Variants in NTNG1 observed in about 807,000 individuals in gnomAD.
NTNG1 encodes netrin-G1.
In NTNG1, 16 loss-of-function variants were observed where a neutral mutation model predicts 54.0. The observed-to-expected ratio is 0.30, with a 90% CI of 0.20 to 0.45. The LOEUF (loss-of-function observed/expected upper bound fraction) is 0.45. Ranked by LOEUF, NTNG1 falls within the 20% of genes least tolerant of loss-of-function variation. The pLI, the probability that NTNG1 is intolerant of heterozygous loss-of-function variation, is 1.00. For missense variants in NTNG1, 530 were observed against 678.7 expected (o/e 0.78, Z 2.43); for synonymous variants, 255 against 263.1 (o/e 0.97, Z 0.30).
At chr1:107,400,299 T>C (rs1242139593) in intron 4 of NTNG1, among the ~76,000 whole-genome samples, 1 of 152,172 alleles carries the variant, frequency 6.6e-6, no homozygotes, top group East Asian at 1.9e-4. Flanking sequence ...CAAATATTGA[T>C]AATGTGTGTA....
chr1:107,363,576 A>C (rs1371729926), intron 3 of NTNG1, among the ~76,000 whole-genome samples: 78 of 152,194 alleles, frequency 5.1e-4, no homozygotes. Flanking sequence ...AAAACCTGCT[A>C]ATAATATCAG....
intron 7 of NTNG1, among the ~76,000 whole-genome samples, chr1:107,464,252 C>A (rs1345968807): frequency 6.6e-6 from 1 of 152,164 alleles, no homozygotes; most frequent in Non-Finnish European, 1.5e-5. Context: ...GGCCTTTAGA[C>A]TACAGTATTT....
intron 2 of NTNG1, among the ~76,000 whole-genome samples, chr1:107,178,192 A>C (rs562183224): frequency 2.8e-4 from 42 of 152,320 alleles, no homozygotes; most frequent in African/African-American, 9.1e-4. Context: ...TCAATATTAC[A>C]TCAAGTTTAG....
chr1:107,237,941 G>A (rs1570929702), intron 2 of NTNG1, among the ~76,000 whole-genome samples: 2 of 152,296 alleles, frequency 1.3e-5, no homozygotes, highest in East Asian at 1.9e-4. Context: ...CCCACAGAGA[G>A]TGCCTACTGG....
chr1:107,338,886 A>C lies in NTNG1; in HGVS notation c.887+13964A>C, dbSNP rs555741199. Among the ~76,000 whole-genome samples, 6 of 151,922 alleles carry C rather than the reference A, an allele frequency of 3.9e-5. No individual in the cohort carries two copies. In the East Asian group the frequency reaches 9.7e-4, roughly 25 times the overall value. On this transcript the variant is annotated intron_variant, in intron 3 of 7. Transcript: ENST00000370068. ...GTAAGAAGCTTTAAAAAAAAAAAGG[A>C]AATAGGATTTTGGATGGAAAGTATA...
intron 3 of NTNG1, among the ~76,000 whole-genome samples, chr1:107,327,051 C>T (rs967495849): frequency 6.6e-6 from 1 of 152,178 alleles, no homozygotes; most frequent in African/African-American, 2.4e-5. Flanking sequence ...GCTCCTCCCT[C>T]CTTCTCTGGA....
chr1:107,375,465 T>G (rs1671173928), intron 3 of NTNG1, among the ~76,000 whole-genome samples: 1 of 152,244 alleles, frequency 6.6e-6, no homozygotes, highest in Non-Finnish European at 1.5e-5. Flanking sequence ...AACTTGGTTG[T>G]AAGTAGAAGT....
chr1:107,231,641 A>T (rs1195000087), intron 2 of NTNG1, among the ~76,000 whole-genome samples: 2 of 152,116 alleles, frequency 1.3e-5, no homozygotes, highest in Admixed American at 1.3e-4. Flanking sequence ...CTCTCACAGA[A>T]GGGAAGATAA....
At chr1:107,301,307 G>A (rs1666296000) in intron 2 of NTNG1, among the ~76,000 whole-genome samples, 1 of 151,480 alleles carries the variant, frequency 6.6e-6, no homozygotes, top group Non-Finnish European at 1.5e-5. Flanking sequence ...GGCTAAGAGT[G>A]GTACTATAGG....
chr1:107,192,966 A>G (rs4564165), intron 2 of NTNG1, among the ~76,000 whole-genome samples: 9,750 of 152,214 alleles, frequency 0.064, 414 homozygotes, highest in African/African-American at 0.12. Flanking sequence ...TGTGTATCAT[A>G]AACAAAGTAA....
intron 7 of NTNG1, among the ~76,000 whole-genome samples, chr1:107,439,643 C>A (rs1213089816): frequency 3.9e-5 from 6 of 152,002 alleles, no homozygotes; most frequent in African/African-American, 1.4e-4. Flanking sequence ...TCTCTTAGAC[C>A]CACCCACATA....
intron 2 of NTNG1, among the ~76,000 whole-genome samples, chr1:107,224,372 G>A (rs989133764): frequency 2.0e-5 from 3 of 152,142 alleles, no homozygotes; most frequent in African/African-American, 7.2e-5. Context: ...AGAGATCTAA[G>A]AAACACATTT....
chr1:107,437,389 T>C (rs772089089), intron 7 of NTNG1, among the ~76,000 whole-genome samples: 9 of 152,230 alleles, frequency 5.9e-5, no homozygotes, highest in African/African-American at 1.2e-4. Context: ...TTCAGCCTCA[T>C]TTCTCTTGAG....
chr1:107,161,159 TTAAA>T lies in NTNG1; in HGVS notation c.246+12322_246+12325del, dbSNP rs1206595990. Among the ~76,000 whole-genome samples, 3 of 152,160 alleles carry T rather than the reference TTAAA, an allele frequency of 2.0e-5. No individual in the cohort carries two copies. In the East Asian group the frequency reaches 5.8e-4, roughly 29 times the overall value. ...CATAGTAGAGCCCCATAAACATTTG[TTAAA>T]TGAATGAATGAACCGTTAAACAGAG... On this transcript the variant is annotated intron_variant, in intron 2 of 7. Transcript: ENST00000370068.
chr1:107,196,124 A>G (rs530197486), intron 2 of NTNG1, among the ~76,000 whole-genome samples: 103 of 151,928 alleles, frequency 6.8e-4, no homozygotes, highest in South Asian at 1.7e-3. Context: ...TACCTCTCCA[A>G]TTGTTTCAAA....
intron 2 of NTNG1, among the ~76,000 whole-genome samples, chr1:107,164,062 A>C: frequency 6.6e-6 from 1 of 152,218 alleles, no homozygotes; most frequent in East Asian, 1.9e-4. Context: ...ATTTCTACTT[A>C]CTCCAGTTGC....
chr1:107,244,851 CT>C (rs1662087639), intron 2 of NTNG1, among the ~76,000 whole-genome samples: 1 of 152,320 alleles, frequency 6.6e-6, no homozygotes, highest in South Asian at 2.1e-4. Flanking sequence ...GAGAATTTAG[CT>C]GTCACTTTGG....
intron 2 of NTNG1, among the ~76,000 whole-genome samples, chr1:107,280,676 CAG>C (rs1338801399): frequency 2.7e-5 from 4 of 148,688 alleles, no homozygotes; most frequent in African/African-American, 1.0e-4. Context: ...AAGCCTAATT[CAG>C]AGCTCGTTAC....
chr1:107,303,767 A>C (rs1570630027), intron 2 of NTNG1, among the ~76,000 whole-genome samples: 1 of 151,900 alleles, frequency 6.6e-6, no homozygotes, highest in Admixed American at 6.6e-5. Context: ...GCTCACTGCA[A>C]CCTCCGCCTC....
Sources: gnomAD v4.1 joint callset for allele counts (sites outside exome capture counted in the v4.1 genomes callset) on GRCh38, gnomAD v4.1.1 for gene constraint, MANE v1.5 for transcripts, NCBI Gene and HGNC (gene_info 2026-07-23, HGNC 2026-07-21) for gene names.